The following FGF12 variants were observed in gnomAD, a reference collection of about 807,000 sequenced individuals.
FGF12 encodes the protein fibroblast growth factor 12B.
In FGF12, 14 loss-of-function variants were observed where a neutral mutation model predicts 23.6. The observed-to-expected ratio is 0.59, with a 90% CI of 0.39 to 0.93. The LOEUF (loss-of-function observed/expected upper bound fraction) is 0.93, where lower values mean the gene tolerates loss of function less well. Ranked by LOEUF, FGF12 falls within the 40% of genes least tolerant of loss-of-function variation. FGF12 has a pLI of 0.00. For missense variants in FGF12, 175 were observed against 217.8 expected, an observed-to-expected ratio of 0.80 and a Z score of 1.24; for synonymous variants, 62 against 77.3, an observed-to-expected ratio of 0.80 and a Z score of 1.04.
At chr3:192,533,255 A>G (rs985701306) in intron 2 of FGF12, among the ~76,000 whole-genome samples, 11 of 152,176 alleles carry the variant, frequency 7.2e-5, no homozygotes, top group African/African-American at 2.4e-4. Flanking sequence ...AGTTTCTATA[A>G]TATCACTTCC....
intron 3 of FGF12, among the ~76,000 whole-genome samples, chr3:192,339,879 A>G (rs889332998): frequency 6.6e-6 from 1 of 152,188 alleles, no homozygotes; most frequent in African/African-American, 2.4e-5. Context: ...ACACAGCTTT[A>G]TTAAATAAAT....
intron 2 of FGF12, among the ~76,000 whole-genome samples, chr3:192,657,105 G>GT (rs34724301): frequency 0.5 from 74,877 of 149,680 alleles, 18,960 homozygotes; most frequent in East Asian, 0.65. Flanking sequence ...CTGAGTTGAG[G>GT]TTTTTTTTTT....
intron 4 of FGF12, among the ~76,000 whole-genome samples, chr3:192,172,389 C>CA (rs948993122): frequency 2.1e-5 from 3 of 141,946 alleles, no homozygotes; most frequent in African/African-American, 8.9e-5. Flanking sequence ...TGGATCTCAA[C>CA]CCCCCCTTCA....
chr3:192,389,772 T>C (rs1720214487), intron 2 of FGF12, among the ~76,000 whole-genome samples: 1 of 152,220 alleles, frequency 6.6e-6, no homozygotes, highest in Non-Finnish European at 1.5e-5. Flanking sequence ...ACAGTTAGAC[T>C]AGATGATGGC....
chr3:192,688,240 A>G (rs1289980262), intron 2 of FGF12, among the ~76,000 whole-genome samples: 3 of 151,852 alleles, frequency 2.0e-5, no homozygotes, highest in East Asian at 3.9e-4. Context: ...TTTCTGAGCC[A>G]ATGAGACACC....
chr3:192,680,985 G>A (rs1466241994), intron 2 of FGF12, among the ~76,000 whole-genome samples: 1 of 152,164 alleles, frequency 6.6e-6, no homozygotes, highest in East Asian at 1.9e-4. Context: ...GGCCTGTGCT[G>A]GGCTCAGCTG....
intron 2 of FGF12, among the ~76,000 whole-genome samples, chr3:192,410,411 C>T (rs1173352790): frequency 1.3e-5 from 2 of 152,154 alleles, no homozygotes; most frequent in African/African-American, 4.8e-5. Context: ...TCCGTCCGGT[C>T]CCTCCCACAA....
At chr3:192,491,963 G>A (rs1295275491) in intron 2 of FGF12, among the ~76,000 whole-genome samples, 1 of 152,136 alleles carries the variant, frequency 6.6e-6, no homozygotes, top group Non-Finnish European at 1.5e-5. Flanking sequence ...ACAATGGTAG[G>A]TGTACAAGAC....
intron 2 of FGF12, among the ~76,000 whole-genome samples, chr3:192,472,682 C>T (rs1365871664): frequency 6.6e-6 from 1 of 152,132 alleles, no homozygotes; most frequent in Admixed American, 6.5e-5. Flanking sequence ...GAGTCATTCA[C>T]ACTCTGCTCC....
At chr3:192,323,005 T>C (rs1362570096) in intron 4 of FGF12, among the ~76,000 whole-genome samples, 2 of 152,110 alleles carry the variant, frequency 1.3e-5, no homozygotes, top group Non-Finnish European at 2.9e-5. Flanking sequence ...GAAATGCAAA[T>C]CAAAGCTATG....
chr3:192,300,840 A>G (rs1715310619), intron 4 of FGF12, among the ~76,000 whole-genome samples: 1 of 151,920 alleles, frequency 6.6e-6, no homozygotes, highest in South Asian at 2.1e-4. Flanking sequence ...AACATGGTGA[A>G]ACCCCATCTC....
At chr3:192,706,400 C>T (rs1378526670) in intron 2 of FGF12, among the ~76,000 whole-genome samples, 1 of 152,132 alleles carries the variant, frequency 6.6e-6, no homozygotes, top group African/African-American at 2.4e-5. Flanking sequence ...TGAGGCAAAG[C>T]GACTTTGCCA....
chr3:192,150,455 C>T lies in FGF12; in HGVS notation c.428-6328G>A, dbSNP rs1342025547. Among the ~76,000 whole-genome samples the T allele has an allele frequency of 2.1e-4, 24 of 113,876 alleles. No homozygotes were observed. The East Asian group carries it at 5.2e-3, about 25-fold the overall frequency. The allele number at this position is 113,876 out of a possible 152,430, so 74.7% of individuals were successfully genotyped here. On this transcript the variant is annotated intron_variant, in intron 5 of 5. Coordinates refer to ENST00000445105, the MANE Select transcript of FGF12 (RefSeq NM_004113.6). ...AGGGTTTTTATGGTTTTAGGTCTAA[C>T]GTTTAAATCTTTAATCCATCTTGAA...
At position 192,566,918 on chromosome 3, in the gene FGF12, A is replaced by G. The variant is rs187717272; in HGVS notation, c.13+160263T>C. Among the ~76,000 whole-genome samples the G allele has an allele frequency of 3.7e-3, 569 of 152,334 alleles. 5 individuals are homozygous for G. The highest frequency in any genetic ancestry group is 3.7e-3 in the Non-Finnish European group (253 of 68,018). On this transcript the variant is annotated intron_variant, in intron 2 of 5. Transcript: ENST00000445105. Reference sequence around the variant, plus strand: ...TACAAGCAGCAAGAGCCGGCGGCCTAGAGGGTGCTATGCACTGAATTCTCA... The same window carrying G: ...TACAAGCAGCAAGAGCCGGCGGCCTGGAGGGTGCTATGCACTGAATTCTCA...
At chr3:192,285,055 CTATTG>C (rs1032832526) in intron 4 of FGF12, among the ~76,000 whole-genome samples, 3 of 152,026 alleles carry the variant, frequency 2.0e-5, no homozygotes, top group Non-Finnish European at 4.4e-5. Flanking sequence ...GTATAACAAG[CTATTG>C]TAGTATACTA....
At chr3:192,421,164 A>G (rs1421869116) in intron 2 of FGF12, among the ~76,000 whole-genome samples, 1 of 152,162 alleles carries the variant, frequency 6.6e-6, no homozygotes, top group African/African-American at 2.4e-5. Flanking sequence ...TTAGAAAGTA[A>G]GCATGTGTTC....
chr3:192,415,002 A>G (rs1721302718), intron 2 of FGF12, among the ~76,000 whole-genome samples: 1 of 152,104 alleles, frequency 6.6e-6, no homozygotes, highest in African/African-American at 2.4e-5. Context: ...TCTCCTTCTT[A>G]GTTTAGTAAT....
chr3:192,636,479 G>A (rs1050980518), intron 2 of FGF12, among the ~76,000 whole-genome samples: 1 of 152,142 alleles, frequency 6.6e-6, no homozygotes, highest in Non-Finnish European at 1.5e-5. Context: ...GTTGAAATCT[G>A]CACAAGTCAA....
intron 2 of FGF12, among the ~76,000 whole-genome samples, chr3:192,449,895 G>A (rs529138637): frequency 1.3e-5 from 2 of 152,264 alleles, no homozygotes; most frequent in East Asian, 1.9e-4. Context: ...CCTTATGACA[G>A]CAGCTGATAT....
Sources: gnomAD v4.1 joint callset for allele counts (sites outside exome capture counted in the v4.1 genomes callset) on GRCh38, gnomAD v4.1.1 for gene constraint, MANE v1.5 for transcripts, NCBI Gene and HGNC (gene_info 2026-07-23, HGNC 2026-07-21) for gene names.